RELN: variants seen among roughly 807,000 people sequenced by gnomAD.
RELN encodes the protein reelin.
In RELN, 108 loss-of-function variants were observed where a neutral mutation model predicts 427.6. That is an observed-to-expected ratio of 0.25 (90% CI 0.22 to 0.30). The LOEUF (loss-of-function observed/expected upper bound fraction) is 0.30. Ranked by LOEUF, RELN falls within the 10% of genes least tolerant of loss-of-function variation. The pLI is 1.00. For synonymous variants in RELN, 1,524 were observed against 1,513.4 expected (o/e 1.01, Z -0.16); for missense variants, 3,715 against 4,302.8 (o/e 0.86, Z 3.82).
chr7:103,755,226 TGGGCGGATCACGA>T (rs1156260158), intron 4 of RELN, among the ~76,000 whole-genome samples: 159 of 151,160 alleles, frequency 1.1e-3, no homozygotes, highest in African/African-American at 3.2e-3. Flanking sequence ...GAGGCTGAGG[TGGGCGGATCACGA>T]GGGCGGATCA....
chr7:103,884,045 CG>C lies in RELN; in HGVS notation c.337+33029del, dbSNP rs78336577. ...AACTTCAAAGTATACTACAGGGCTA[CG>C]GTAACAAAAACAGCATGGTACTGGT... On this transcript the variant is annotated intron_variant, in intron 2 of 64. Coordinates refer to ENST00000428762, the MANE Select transcript of RELN (RefSeq NM_005045.4). Among the ~76,000 whole-genome samples the C allele has an allele frequency of 3.9e-3, 601 of 152,196 alleles. 22 individuals carry two copies. In the East Asian group the frequency reaches 0.072, roughly 18 times the overall value.
intron 7 of RELN, 80 bp downstream of exon 7, chr7:103,728,031 G>T: frequency 7.7e-7 from 1 of 1,304,608 alleles, no homozygotes; most frequent in Non-Finnish European, 1.1e-6. Context: ...TGAACTTTAA[G>T]AGCATAAGAA....
chr7:103,677,597 C>T (rs1291019130), intron 11 of RELN, among the ~76,000 whole-genome samples: 1 of 150,128 alleles, frequency 6.7e-6, no homozygotes. Flanking sequence ...GAAATCCCGT[C>T]TCTACCAAAA....
intron 6 of RELN, among the ~76,000 whole-genome samples, chr7:103,731,553 C>T (rs529027812): frequency 6.6e-6 from 1 of 152,086 alleles, no homozygotes; most frequent in Admixed American, 6.6e-5. Flanking sequence ...AATTACTGTC[C>T]AAGGTTACAC....
chr7:103,605,704 C>T (rs1831803000), intron 22 of RELN, among the ~76,000 whole-genome samples: 1 of 152,210 alleles, frequency 6.6e-6, no homozygotes, highest in Non-Finnish European at 1.5e-5. Flanking sequence ...TACAGATACC[C>T]TTGATCTTAA....
At chr7:103,511,784 C>T (rs1488385445) in intron 50 of RELN, among the ~76,000 whole-genome samples, 1 of 152,074 alleles carries the variant, frequency 6.6e-6, no homozygotes, top group Non-Finnish European at 1.5e-5. Flanking sequence ...TTCAGGGCTG[C>T]AGTGATTTGT....
chr7:103,604,825 ATCTT>A (rs1831777198), intron 22 of RELN, among the ~76,000 whole-genome samples: 1 of 131,000 alleles, frequency 7.6e-6, no homozygotes, highest in Non-Finnish European at 1.6e-5. Context: ...AACTGAACCT[ATCTT>A]TCTTTTTTTT....
At chr7:103,826,485 C>T (rs536919104) in intron 3 of RELN, among the ~76,000 whole-genome samples, 109 of 152,120 alleles carry the variant, frequency 7.2e-4, no homozygotes, top group African/African-American at 2.6e-3. Context: ...TATACAGAGA[C>T]TTTACTAAAA....
At position 103,640,623 on chromosome 7, in the gene RELN, A is replaced by G. The variant is rs975352204; in HGVS notation, c.2003-14T>C. ...GGCCAATATAAACTGTGGGAGGGAA[A>G]AAGAGAACATAATTACAAAAACATA... On this transcript the variant is annotated splice_polypyrimidine_tract_variant and intron_variant, in intron 16 of 64. Coordinates refer to ENST00000428762, the MANE Select transcript of RELN (RefSeq NM_005045.4). The surrounding 1 kb of genome is among the most constrained non-coding windows in gnomAD (Gnocchi z 4.1). 6.2e-7 allele frequency: 1 copy of G among 1,613,494 alleles called. No individual in the cohort carries two copies. The highest frequency in any genetic ancestry group is 1.7e-4 in the Middle Eastern group (1 of 6,054).
At chr7:103,629,452 A>T (rs551068770) in intron 20 of RELN, among the ~76,000 whole-genome samples, 2 of 152,202 alleles carry the variant, frequency 1.3e-5, no homozygotes, top group Non-Finnish European at 2.9e-5. Context: ...GATGTTAGTT[A>T]ACCAATCATG....
chr7:103,483,528 C>T (rs1285133010), intron 62 of RELN, 125 bp downstream of exon 62: 12 of 978,530 alleles, frequency 1.2e-5, no homozygotes, highest in Non-Finnish European at 2.0e-5. Context: ...CTTCGTTCTG[C>T]CACCACCTAG....
chr7:103,777,062 G>T (rs1322729128), intron 3 of RELN, among the ~76,000 whole-genome samples: 1 of 152,066 alleles, frequency 6.6e-6, no homozygotes, highest in Non-Finnish European at 1.5e-5. Context: ...TTGAGACAGA[G>T]AATTACATTT....
chr7:103,483,641 TG>T lies in RELN; in HGVS notation c.10181+11del. 3 of 1,613,844 alleles carry T rather than the reference TG, an allele frequency of 1.9e-6. No individual in the cohort carries two copies. The highest frequency in any genetic ancestry group is 2.5e-6 in the Non-Finnish European group (3 of 1,179,726). ...GTGCATGAGACCATGCCTTTCCATTTGGGCCACTTACAGGGGGACATTGTAA... is the reference window on the plus strand; with the variant it reads ...GTGCATGAGACCATGCCTTTCCATTTGGCCACTTACAGGGGGACATTGTAA... On this transcript the variant is annotated intron_variant, in intron 62 of 64. Transcript: ENST00000428762.
At chr7:103,687,264 T>C (rs1246602423) in intron 10 of RELN, among the ~76,000 whole-genome samples, 1 of 152,154 alleles carries the variant, frequency 6.6e-6, no homozygotes, top group Non-Finnish European at 1.5e-5. Flanking sequence ...GGGGATCAAC[T>C]TGACTTTCAC....
chr7:103,812,246 T>TA (rs1465080559), intron 3 of RELN, among the ~76,000 whole-genome samples: 2 of 152,044 alleles, frequency 1.3e-5, no homozygotes, highest in Non-Finnish European at 2.9e-5. Context: ...AAGCATCCTT[T>TA]CTCCCCAGAC....
chr7:103,566,279 T>C lies in RELN; in HGVS notation c.4881A>G (p.Gln1627=). 1 of 1,614,070 alleles carries C rather than the reference T, an allele frequency of 6.2e-7. No homozygotes were observed. Among genetic ancestry groups the C allele is most frequent in the Non-Finnish European group, 8.5e-7 (1 of 1,179,962 alleles). Residue 1627 remains glutamine, a synonymous_variant, in exon 33 of 65, where the codon CAA becomes CAG. Coordinates refer to ENST00000428762, the MANE Select transcript of RELN (RefSeq NM_005045.4). Reference sequence around the variant, plus strand: ...CCATAGAGAGACAGTCAATATCAACTTGACCTCCTTGGATTCGATACCAGT... The same window carrying C: ...CCATAGAGAGACAGTCAATATCAACCTGACCTCCTTGGATTCGATACCAGT... The part of the protein sequence containing the change: ...QANWYRIQGG[Q]VDIDCLSMDT...
intron 20 of RELN, among the ~76,000 whole-genome samples, chr7:103,622,723 C>A (rs1302868860): frequency 6.6e-6 from 1 of 152,154 alleles, no homozygotes; most frequent in African/African-American, 2.4e-5. Flanking sequence ...AACCCTCTTA[C>A]CTAAAATAGC....
In RELN at chr7:103,503,197, C is replaced by A; in HGVS notation, c.8308G>T (p.Ala2770Ser). 1 of 1,614,114 alleles carries A rather than the reference C, an allele frequency of 6.2e-7. No homozygotes were observed. The highest frequency in any genetic ancestry group is 8.5e-7 in the Non-Finnish European group (1 of 1,180,018). ...TACTGCACATGAATTTGATTCTGGG[C>A]AATTTTTTCAGACACCTTACATCCA... ...SVGCKVSEKI[A>S]QNQIHVQYST... is the part of the protein sequence containing the mutation. Residue 2770 changes from alanine to serine, a missense_variant, in exon 52 of 65, where the codon GCC (alanine) becomes TCC (serine). This residue lies in a region of RELN where 1,310 missense variants were observed against 1,643.0 expected (regional missense o/e 0.80). Coordinates refer to ENST00000428762, the MANE Select transcript of RELN (RefSeq NM_005045.4).
chr7:103,533,769 TAA>T (rs1829991515), intron 46 of RELN, among the ~76,000 whole-genome samples: 2 of 152,102 alleles, frequency 1.3e-5, no homozygotes, highest in African/African-American at 4.8e-5. Context: ...TTTTCTTGAG[TAA>T]AAGACTCAAG....
Sources: gnomAD v4.1 joint callset for allele counts (sites outside exome capture counted in the v4.1 genomes callset) on GRCh38, gnomAD v4.1.1 for gene constraint, gnomAD v4.1.1 regional missense constraint, Gnocchi (gnomAD v3.1) non-coding constraint, MANE v1.5 for transcripts, NCBI Gene and HGNC (gene_info 2026-07-23, HGNC 2026-07-21) for gene names.